ESRRG: variants seen among roughly 807,000 people sequenced by gnomAD.
ESRRG encodes the protein estrogen-related receptor gamma.
A neutral mutation model predicts 44.0 loss-of-function variants in ESRRG; 13 were observed. The ratio of observed to expected loss-of-function variants is 0.30; its 90% CI spans 0.19 to 0.47. The LOEUF is 0.47. ESRRG is among the 20% of genes least tolerant of loss of function. The pLI, the probability that ESRRG is intolerant of heterozygous loss-of-function variation, is 1.00. For missense variants in ESRRG, 395 were observed against 580.6 expected, an observed-to-expected ratio of 0.68 and a Z score of 3.29; for synonymous variants, 215 against 214.6, an observed-to-expected ratio of 1.00 and a Z score of -0.02.
intron 3 of ESRRG, among the ~76,000 whole-genome samples, chr1:216,633,311 T>C (rs530612917): frequency 6.6e-6 from 1 of 152,338 alleles, no homozygotes; most frequent in African/African-American, 2.4e-5. Flanking sequence ...GCGAGACAGA[T>C]GCTCTCAGTG....
intron 3 of ESRRG, among the ~76,000 whole-genome samples, chr1:216,594,876 G>A (rs577658434): frequency 1.1e-3 from 165 of 152,284 alleles, no homozygotes; most frequent in African/African-American, 3.2e-3. Flanking sequence ...AAAGAAATTC[G>A]TCTTTAGTGG....
intron 2 of ESRRG, among the ~76,000 whole-genome samples, chr1:216,667,685 C>CAAAAAA (rs67275285): frequency 3.0e-4 from 20 of 66,204 alleles, no homozygotes; most frequent in South Asian, 2.2e-3. Flanking sequence ...GACTCCATCT[C>CAAAAAA]AAAAAAAAAA....
intron 3 of ESRRG, among the ~76,000 whole-genome samples, chr1:216,624,857 C>G (rs1404668556): frequency 6.6e-6 from 1 of 152,166 alleles, no homozygotes; most frequent in Non-Finnish European, 1.5e-5. Context: ...AGAGAAAGTA[C>G]TCTAAATATT....
intron 3 of ESRRG, among the ~76,000 whole-genome samples, chr1:216,611,609 T>G (rs925468853): frequency 6.6e-6 from 1 of 152,132 alleles, no homozygotes; most frequent in Non-Finnish European, 1.5e-5. Context: ...CACAAAACTA[T>G]GGGTTTTGGT....
intron 2 of ESRRG, among the ~76,000 whole-genome samples, chr1:216,735,650 T>A (rs2152168007): frequency 6.6e-6 from 1 of 152,234 alleles, no homozygotes; most frequent in East Asian, 1.9e-4. Flanking sequence ...ATCTACATAC[T>A]TATGTGACCC....
chr1:216,836,923 G>A (rs1409716573), intron 2 of ESRRG, among the ~76,000 whole-genome samples: 1 of 152,048 alleles, frequency 6.6e-6, no homozygotes, highest in Non-Finnish European at 1.5e-5. Flanking sequence ...AAAACAGGCT[G>A]CTATACATAC....
intron 1 of ESRRG, among the ~76,000 whole-genome samples, chr1:216,961,376 T>A (rs567236813): frequency 9.1e-4 from 138 of 152,078 alleles, no homozygotes; most frequent in Non-Finnish European, 1.6e-3. Context: ...TTACCAACCA[T>A]AAAAAAATGA....
chr1:217,026,672 C>A (rs1468969780), intron 1 of ESRRG, among the ~76,000 whole-genome samples: 5 of 152,044 alleles, frequency 3.3e-5, no homozygotes, highest in African/African-American at 1.2e-4. Context: ...TAGTCACCCC[C>A]CAAAAGTTCA....
chr1:216,668,011 C>T (rs1459059375), intron 2 of ESRRG, among the ~76,000 whole-genome samples: 3 of 151,758 alleles, frequency 2.0e-5, no homozygotes, highest in Non-Finnish European at 2.9e-5. Flanking sequence ...GCAGAAGAAT[C>T]GCTTGAACTC....
chr1:216,891,909 C>T (rs2057850757), intron 2 of ESRRG, among the ~76,000 whole-genome samples: 1 of 150,308 alleles, frequency 6.7e-6, no homozygotes, highest in Non-Finnish European at 1.5e-5. Flanking sequence ...AAGCAATTCT[C>T]CTGCCTTAGC....
At chr1:216,700,156 C>T (rs1009468508) in intron 1 of ESRRG, among the ~76,000 whole-genome samples, 2 of 151,552 alleles carry the variant, frequency 1.3e-5, no homozygotes, top group African/African-American at 4.8e-5. Context: ...GCTTAGATAC[C>T]TCGCTTAACT....
rs910104323 is a variant in ESRRG at position 217,073,429 on chromosome 1, T to C, written c.-106+16078A>G. Among the ~76,000 whole-genome samples, 3 of 152,224 alleles carry C rather than the reference T, an allele frequency of 2.0e-5. No individual in the cohort carries two copies. In the South Asian group the frequency reaches 6.2e-4, roughly 32 times the overall value. Reference sequence around the variant, plus strand: ...TTCACTACTAAGGGGATCTCCGTGCTTGATGCCCCTTCTCTCCATGCTGTT... The same window carrying C: ...TTCACTACTAAGGGGATCTCCGTGCCTGATGCCCCTTCTCTCCATGCTGTT... On this transcript the variant is annotated intron_variant, in intron 1 of 7. Coordinates refer to the ESRRG transcript ENST00000359162.
chr1:216,507,212 A>T, intron 6 of ESRRG, 29 bp from the exon 7 acceptor site: 1 of 1,490,676 alleles, frequency 6.7e-7, no homozygotes, highest in Non-Finnish European at 9.1e-7. Flanking sequence ...GATATGAGTA[A>T]TTATAATAAT....
At chr1:216,575,727 A>G (rs2061573418) in intron 3 of ESRRG, among the ~76,000 whole-genome samples, 1 of 152,088 alleles carries the variant, frequency 6.6e-6, no homozygotes, top group African/African-American at 2.4e-5. Flanking sequence ...CTTCTCTGCC[A>G]TCAAAGTCTA....
At chr1:216,670,163 C>T (rs2151384043) in intron 2 of ESRRG, among the ~76,000 whole-genome samples, 1 of 152,274 alleles carries the variant, frequency 6.6e-6, no homozygotes, top group Non-Finnish European at 1.5e-5. Flanking sequence ...ATATCATGTA[C>T]ACTCAATTTG....
At chr1:216,805,895 G>A (rs2094777459) in intron 2 of ESRRG, among the ~76,000 whole-genome samples, 1 of 152,124 alleles carries the variant, frequency 6.6e-6, no homozygotes. Flanking sequence ...AGAGTGTATG[G>A]ATTCTGAAGG....
At chr1:216,872,874 T>C (rs920181307) in intron 2 of ESRRG, among the ~76,000 whole-genome samples, 2 of 152,202 alleles carry the variant, frequency 1.3e-5, no homozygotes, top group African/African-American at 4.8e-5. Flanking sequence ...TAATTTTAGA[T>C]AGTATCTGGG....
intron 5 of ESRRG, among the ~76,000 whole-genome samples, chr1:216,559,087 C>G (rs1412516795): frequency 2.6e-5 from 4 of 152,080 alleles, no homozygotes; most frequent in Admixed American, 6.5e-5. Context: ...CCAGCCTGAT[C>G]TTGAACTCTT....
chr1:216,584,935 C>T (rs565746365), intron 3 of ESRRG, among the ~76,000 whole-genome samples: 22 of 152,202 alleles, frequency 1.4e-4, no homozygotes, highest in African/African-American at 4.6e-4. Flanking sequence ...AAGTATTAAA[C>T]CTTTCAGATG....
Sources: allele counts gnomAD v4.1 joint callset (sites outside exome capture counted in the v4.1 genomes callset), GRCh38; gene constraint gnomAD v4.1.1; transcripts MANE v1.5; gene names NCBI Gene and HGNC (gene_info 2026-07-23, HGNC 2026-07-21).